Variants in ZCCHC24 observed in about 807,000 individuals in gnomAD.
The protein encoded by ZCCHC24 is zinc finger CCHC domain-containing protein 24.
ZCCHC24 carries 10 observed loss-of-function variants against 26.2 expected under a neutral mutation model. The ratio of observed to expected loss-of-function variants is 0.38; its 90% CI spans 0.24 to 0.65. ZCCHC24 has a LOEUF of 0.65. ZCCHC24 is among the 30% of genes least tolerant of loss of function. The pLI is 0.54. For missense variants in ZCCHC24, 243 were observed against 329.1 expected (o/e 0.74, Z 2.03); for synonymous variants, 144 against 147.1 (o/e 0.98, Z 0.15).
rs1414268520 is a variant in ZCCHC24 at position 79,384,364 on chromosome 10, A to G, written c.*1981T>C. ...TGGCCGGGTCCCTGGAAGGGTTGGC[A>G]CAGGCACGCCGCCCACCACTGCGAA... On this transcript the variant is annotated 3_prime_UTR_variant, in exon 4 of 4. Coordinates refer to ENST00000372336, the MANE Select transcript of ZCCHC24 (RefSeq NM_153367.4). 1 of 152,380 alleles carries G rather than the reference A, an allele frequency of 6.6e-6. No individual in the cohort carries two copies. The highest frequency in any genetic ancestry group is 2.4e-5 in the African/African-American group (1 of 41,464). The allele number at this position is 152,380 out of a possible 1,614,324, so 9.4% of individuals were successfully genotyped here.
In ZCCHC24 at chr10:79,383,375, A is replaced by G. The variant is rs1385980678; in HGVS notation, c.*2970T>C. 1 of 152,642 alleles carries G rather than the reference A, an allele frequency of 6.6e-6. No individual in the cohort carries two copies. The highest frequency in any genetic ancestry group is 1.5e-5 in the Non-Finnish European group (1 of 68,024). The allele number at this position is 152,642 out of a possible 1,614,324, so 9.5% of individuals were successfully genotyped here. Reference sequence around the variant, plus strand: ...CTATGTAGACAATATTTCCTTCTGAATGTAGTTCAGTTGCATATTTTTACA... The same window carrying G: ...CTATGTAGACAATATTTCCTTCTGAGTGTAGTTCAGTTGCATATTTTTACA... On this transcript the variant is annotated 3_prime_UTR_variant, in exon 4 of 4. Transcript: ENST00000372336.
intron 2 of ZCCHC24, among the ~76,000 whole-genome samples, chr10:79,399,581 A>G (rs965253693): frequency 6.6e-6 from 1 of 152,140 alleles, no homozygotes; most frequent in Non-Finnish European, 1.5e-5. Flanking sequence ...AAGGGGACTC[A>G]CTCAAGGACA....
Position 79,382,843 on chromosome 10 carries a change from C to G in ZCCHC24, c.*3502G>C, listed in dbSNP as rs566593581. On this transcript the variant is annotated 3_prime_UTR_variant, in exon 4 of 4. Transcript: ENST00000372336. ...GGCGTGGCTCAGATGGCAAAGCTCC[C>G]GAGCGGCGAGGCCAGGCTTTGCCCC... 2.6e-5 allele frequency: 4 copies of G among 152,758 alleles called. No homozygotes were observed. The highest frequency in any genetic ancestry group is 7.2e-5 in the African/African-American group (3 of 41,450). The allele number at this position is 152,758 out of a possible 1,614,324, so 9.5% of individuals were successfully genotyped here. A position where few individuals can be genotyped will look rare whatever the true frequency, so the allele number is the denominator to read the frequency against.
chr10:79,396,951 A>G (rs996455376), intron 2 of ZCCHC24, among the ~76,000 whole-genome samples: 4 of 152,260 alleles, frequency 2.6e-5, no homozygotes, highest in Non-Finnish European at 5.9e-5. Context: ...AGTGCCTGGC[A>G]CACAGAAGAC....
intron 3 of ZCCHC24, among the ~76,000 whole-genome samples, chr10:79,390,021 A>G (rs1453629032): frequency 6.6e-6 from 1 of 152,010 alleles, no homozygotes; most frequent in African/African-American, 2.4e-5. Flanking sequence ...GCACCACCAT[A>G]CCTGGCTAAT....
intron 2 of ZCCHC24, among the ~76,000 whole-genome samples, chr10:79,412,917 T>G (rs997022913): frequency 4.6e-5 from 7 of 152,208 alleles, no homozygotes; most frequent in African/African-American, 1.7e-4. Flanking sequence ...CAGTTAACAA[T>G]AGCCACCATC....
intron 2 of ZCCHC24, among the ~76,000 whole-genome samples, chr10:79,432,144 T>A (rs1347488120): frequency 2.0e-5 from 3 of 152,164 alleles, no homozygotes; most frequent in Admixed American, 2.0e-4. Context: ...GGGGTGCACA[T>A]CTGGATTCCT....
At chr10:79,390,555 G>A (rs765861330) in intron 3 of ZCCHC24, among the ~76,000 whole-genome samples, 1 of 152,358 alleles carries the variant, frequency 6.6e-6, no homozygotes, top group Non-Finnish European at 1.5e-5. Flanking sequence ...ATGACCCCAT[G>A]GTGGGAGTTC....
intron 1 of ZCCHC24, among the ~76,000 whole-genome samples, chr10:79,436,943 C>T (rs989983415): frequency 5.3e-4 from 80 of 152,320 alleles, no homozygotes; most frequent in African/African-American, 1.7e-3. Context: ...ACCCTCACAC[C>T]GCATCTGGGG....
At chr10:79,419,436 G>A (rs1856910312) in intron 2 of ZCCHC24, among the ~76,000 whole-genome samples, 1 of 152,246 alleles carries the variant, frequency 6.6e-6, no homozygotes, top group South Asian at 2.1e-4. Flanking sequence ...GTCCAGCTCA[G>A]TGAGACTCCG....
At chr10:79,398,887 G>A (rs1856589975) in intron 2 of ZCCHC24, among the ~76,000 whole-genome samples, 1 of 152,182 alleles carries the variant, frequency 6.6e-6, no homozygotes, top group Admixed American at 6.5e-5. Context: ...GCACAGGGAA[G>A]GGGTGGGACT....
intron 2 of ZCCHC24, among the ~76,000 whole-genome samples, chr10:79,410,580 G>A (rs1856776826): frequency 6.6e-6 from 1 of 152,220 alleles, no homozygotes; most frequent in African/African-American, 2.4e-5. Context: ...AAGCATGGAG[G>A]GCTTGAGGCT....
chr10:79,408,987 T>C (rs1188062034), intron 2 of ZCCHC24: 2 of 152,188 alleles, frequency 1.3e-5, no homozygotes, highest in Non-Finnish European at 2.9e-5. Flanking sequence ...ACTACTGTGG[T>C]GTGAAGGATT....
chr10:79,388,761 GGCCACCTAATGTC>G (rs59273143), intron 3 of ZCCHC24, among the ~76,000 whole-genome samples: 85,124 of 147,784 alleles, frequency 0.58, 24,245 homozygotes, highest in East Asian at 0.83. Flanking sequence ...ACCTAAGTCA[GGCCACCTAATGTC>G]GCCACCTAAT....
At position 79,406,080 on chromosome 10, in the gene ZCCHC24, G is replaced by A. The variant is rs886347781; in HGVS notation, c.448-11640C>T. On this transcript the variant is annotated intron_variant, in intron 2 of 3. Transcript: ENST00000372336. ...TAGGAGACTGTGGCAACCACAGACC[G>A]GGGTGGAGAGTGCTGAGTCTCCCCT... is the stretch of plus-strand genomic sequence containing the variant. Among the ~76,000 whole-genome samples, 11 of 152,240 alleles carry A rather than the reference G, an allele frequency of 7.2e-5. No individual in the cohort carries two copies. In the South Asian group the frequency reaches 8.3e-4, roughly 11 times the overall value.
chr10:79,394,567 C>T, intron 2 of ZCCHC24, 127 bp from the exon 3 acceptor site: 3 of 1,462,574 alleles, frequency 2.1e-6, no homozygotes, highest in Non-Finnish European at 2.7e-6. Flanking sequence ...CTTTTGTCCC[C>T]AGTCTAGATA....
rs374167546 is a variant in ZCCHC24, at chr10:79,386,334, C to A, written c.*11G>T. On this transcript the variant is annotated 3_prime_UTR_variant, in exon 4 of 4. Transcript: ENST00000372336. ...GGCGGGGGGTGGCTCTGGGTGCGGGCGGGCAGCCCGTCACTGCACGCGACG... is the reference window on the plus strand; with the variant it reads ...GGCGGGGGGTGGCTCTGGGTGCGGGAGGGCAGCCCGTCACTGCACGCGACG... 6 of 1,610,522 alleles carry A rather than the reference C, an allele frequency of 3.7e-6. No individual in the cohort carries two copies. The African/African-American group carries it at 8.0e-5, about 22-fold the overall frequency.
chr10:79,395,070 G>T (rs10740499), intron 2 of ZCCHC24, among the ~76,000 whole-genome samples: 2 of 152,130 alleles, frequency 1.3e-5, no homozygotes, highest in African/African-American at 4.8e-5. Flanking sequence ...CCATTCTAAA[G>T]ATTTATCTTA....
chr10:79,442,130 T>C (rs377154633), intron 1 of ZCCHC24, among the ~76,000 whole-genome samples: 2 of 152,220 alleles, frequency 1.3e-5, no homozygotes, highest in East Asian at 3.8e-4. Context: ...TAGGAATCCC[T>C]TTCCAAAAAT....
Sources: allele counts gnomAD v4.1 joint callset (sites outside exome capture counted in the v4.1 genomes callset), GRCh38; gene constraint gnomAD v4.1.1; transcripts MANE v1.5; gene names NCBI Gene and HGNC (gene_info 2026-07-23, HGNC 2026-07-21).